Variants in SMARCA5 observed in about 807,000 individuals in gnomAD.
SMARCA5 encodes SNF2 related chromatin remodeling ATPase 5.
A neutral mutation model predicts 140.4 loss-of-function variants in SMARCA5; 18 were observed. The ratio of observed to expected loss-of-function variants is 0.13; its 90% CI spans 0.09 to 0.19. The LOEUF is 0.19. SMARCA5 is among the 10% of genes least tolerant of loss of function. SMARCA5 has a pLI of 1.00. For missense variants in SMARCA5, 606 were observed against 1,276.8 expected (o/e 0.47, Z 8.01); for synonymous variants, 449 against 419.6 (o/e 1.07, Z -0.86).
chr4:143,546,733 T>G, intron 19 of SMARCA5, 43 bp from the exon 20 acceptor site: 1 of 1,566,268 alleles, frequency 6.4e-7, no homozygotes, highest in Admixed American at 1.8e-5. Context: ...TTTTCCAAGT[T>G]TAATGTGCTG....
intron 22 of SMARCA5, among the ~76,000 whole-genome samples, chr4:143,549,487 G>A (rs1233847733): frequency 2.0e-5 from 3 of 152,058 alleles, no homozygotes; most frequent in African/African-American, 7.2e-5. Flanking sequence ...AGAGAGATGA[G>A]GTAGAACTCA....
chr4:143,549,931 T>A, intron 22 of SMARCA5, 66 bp from the exon 23 acceptor site: 1 of 851,194 alleles, frequency 1.2e-6, no homozygotes, highest in Non-Finnish European at 1.9e-6. Context: ...ACATACCTTG[T>A]TTTAAAATTG....
chr4:143,549,427 CTA>C (rs1737598103), intron 22 of SMARCA5, among the ~76,000 whole-genome samples: 1 of 152,024 alleles, frequency 6.6e-6, no homozygotes, highest in Non-Finnish European at 1.5e-5. Context: ...ACTGCTACTT[CTA>C]TGTTATACTT....
intron 23 of SMARCA5, 59 bp downstream of exon 23, chr4:143,550,163 T>A: frequency 1.1e-6 from 1 of 902,128 alleles, no homozygotes; most frequent in African/African-American, 1.7e-5. Context: ...TTCTAAGTAT[T>A]TAACACTGCT....
chr4:143,548,938 A>G (rs191965508), intron 22 of SMARCA5, among the ~76,000 whole-genome samples: 270 of 152,236 alleles, frequency 1.8e-3, no homozygotes, highest in Non-Finnish European at 3.4e-3. Context: ...TTCACTAGAC[A>G]TCACTGTTTG....
intron 5 of SMARCA5, 117 bp from the exon 6 acceptor site, chr4:143,526,160 CATTT>C (rs1737068436): frequency 1.3e-6 from 1 of 792,524 alleles, no homozygotes; most frequent in Admixed American, 2.7e-5. Flanking sequence ...AAGTTTTTGC[CATTT>C]ATTAACTGTT....
intron 7 of SMARCA5, 62 bp downstream of exon 7, chr4:143,528,085 TTTTTC>T: frequency 7.4e-7 from 1 of 1,350,718 alleles, no homozygotes; most frequent in East Asian, 2.5e-5. Flanking sequence ...TACAGATTTT[TTTTTC>T]TTTTAACTTT....
At position 143,514,114 on chromosome 4, in the gene SMARCA5, T is replaced by A; in HGVS notation, c.177+13T>A. The A allele has an allele frequency of 6.6e-7, 1 of 1,524,790 alleles. No homozygotes were observed. The highest frequency in any genetic ancestry group is 8.7e-7 in the Non-Finnish European group (1 of 1,143,230). 94.5% of individuals were successfully genotyped at this position (1,524,790 alleles called of 1,614,324 possible). On this transcript the variant is annotated intron_variant, in intron 1 of 23. Coordinates refer to ENST00000283131, the MANE Select transcript of SMARCA5 (RefSeq NM_003601.4). ...CGCCGAGATGGAGGTGAGGGCGACTTGCGGCATGGGGAGCGGGTGCAGCGG... is the reference window on the plus strand; with the variant it reads ...CGCCGAGATGGAGGTGAGGGCGACTAGCGGCATGGGGAGCGGGTGCAGCGG...
intron 8 of SMARCA5, among the ~76,000 whole-genome samples, chr4:143,529,448 T>G (rs1737138503): frequency 6.6e-6 from 1 of 150,594 alleles, no homozygotes; most frequent in African/African-American, 2.4e-5. Flanking sequence ...TAGTGAAATC[T>G]GTCTGGCTTT....
At chr4:143,539,400 A>C (rs890144304) in intron 13 of SMARCA5, among the ~76,000 whole-genome samples, 1 of 152,182 alleles carries the variant, frequency 6.6e-6, no homozygotes, top group African/African-American at 2.4e-5. Context: ...TAGTTATTTA[A>C]AAGAACACCT....
chr4:143,526,627 C>T (rs534985317), intron 6 of SMARCA5, among the ~76,000 whole-genome samples, 167 bp downstream of exon 6: 6 of 151,810 alleles, frequency 4.0e-5, no homozygotes, highest in East Asian at 1.9e-4. Flanking sequence ...TTTGGGAGGC[C>T]GAGGCGGGTG....
At chr4:143,535,393 T>C (rs903342833) in intron 10 of SMARCA5, among the ~76,000 whole-genome samples, 1 of 152,184 alleles carries the variant, frequency 6.6e-6, no homozygotes, top group African/African-American at 2.4e-5. Flanking sequence ...GAAATAAATA[T>C]AGCTACCCTT....
chr4:143,528,172 G>A, intron 7 of SMARCA5, 149 bp downstream of exon 7: 1 of 583,884 alleles, frequency 1.7e-6, no homozygotes, highest in Non-Finnish European at 2.8e-6. Context: ...GTGGTTTGCT[G>A]CACCCCATCA....
chr4:143,548,101 G>A lies in SMARCA5; in HGVS notation c.2946G>A (p.Gln982=), dbSNP rs368830285. Reference sequence around the variant, plus strand: ...GACAGTGTATTCGCAACTCTCCTCAGTTCAGATTTGACTGGTTTCTTAAGT... The same window carrying A: ...GACAGTGTATTCGCAACTCTCCTCAATTCAGATTTGACTGGTTTCTTAAGT... ...ELRQCIRNSP[Q]FRFDWFLKSR... The change falls in exon 22 of 24, where the codon CAG becomes CAA. Residue 982 remains glutamine, a synonymous_variant. Transcript: ENST00000283131. The A allele has an allele frequency of 8.2e-5, 132 of 1,612,108 alleles. No individual in the cohort carries two copies. Among genetic ancestry groups the A allele is most frequent in the Non-Finnish European group, 1.0e-4 (121 of 1,178,862 alleles).
intron 23 of SMARCA5, among the ~76,000 whole-genome samples, chr4:143,552,158 A>G (rs1395536687): frequency 6.6e-6 from 1 of 151,834 alleles, no homozygotes; most frequent in Non-Finnish European, 1.5e-5. Context: ...TTCACGTGTA[A>G]TTACTGTAAA....
At chr4:143,519,557 C>A (rs973011967) in intron 2 of SMARCA5, among the ~76,000 whole-genome samples, 2 of 151,920 alleles carry the variant, frequency 1.3e-5, no homozygotes, top group Non-Finnish European at 2.9e-5. Flanking sequence ...GAACTCTTTT[C>A]GTTTCTTCCA....
chr4:143,528,042 G>A lies in SMARCA5; in HGVS notation c.957+19G>A. ...ATCTAAGGTAATTTGATACTTAGAT[G>A]TGAAAAGCCTTCATGTAAGAATTTG... On this transcript the variant is annotated intron_variant, in intron 7 of 23. Transcript: ENST00000283131. 3.3e-6 allele frequency: 5 copies of A among 1,530,752 alleles called. No homozygotes were observed. The highest frequency in any genetic ancestry group is 4.4e-6 in the Non-Finnish European group (5 of 1,144,106). 94.8% of individuals were successfully genotyped at this position (1,530,752 alleles called of 1,614,324 possible).
intron 14 of SMARCA5, among the ~76,000 whole-genome samples, chr4:143,542,376 C>T (rs192956332): frequency 3.3e-4 from 50 of 152,188 alleles, no homozygotes; most frequent in East Asian, 7.7e-4. Context: ...TAATTAAAAA[C>T]GAGAGTACAC....
chr4:143,546,669 ATAAACTAGT>A, intron 19 of SMARCA5, 98 bp from the exon 20 acceptor site: 1 of 1,026,566 alleles, frequency 9.7e-7, no homozygotes, highest in Non-Finnish European at 1.4e-6. Flanking sequence ...AAAGAACTTA[ATAAACTAGT>A]GAAAATTTGT....
Sources: allele counts gnomAD v4.1 joint callset (sites outside exome capture counted in the v4.1 genomes callset), GRCh38; gene constraint gnomAD v4.1.1; transcripts MANE v1.5; gene names NCBI Gene and HGNC (gene_info 2026-07-23, HGNC 2026-07-21).